NPHP4: variants seen among roughly 807,000 people sequenced by gnomAD.
NPHP4 encodes nephrocystin 4.
In NPHP4, 151 loss-of-function variants were observed where a neutral mutation model predicts 155.8. The ratio of observed to expected loss-of-function variants is 0.97; its 90% CI spans 0.85 to 1.11. The LOEUF (loss-of-function observed/expected upper bound fraction) is 1.11, where lower values mean the gene tolerates loss of function less well. Ranked by LOEUF, NPHP4 falls within the 50% of genes least tolerant of loss-of-function variation. The probability of loss-of-function intolerance (pLI) is 0.00; values close to 1 mark genes in which losing one functional copy is unlikely to be tolerated. For synonymous variants in NPHP4, 845 were observed against 816.8 expected, an observed-to-expected ratio of 1.03 and a Z score of -0.59; for missense variants, 1,956 against 1,925.7, an observed-to-expected ratio of 1.02 and a Z score of -0.29.
At chr1:5,949,369 C>CACACACACACACACACACACAAT (rs1047844844) in intron 7 of NPHP4, among the ~76,000 whole-genome samples, 16 of 151,944 alleles carry the variant, frequency 1.1e-4, no homozygotes, top group African/African-American at 3.9e-4. Context: ...CACACACACA[C>CACACACACACACACACACACAAT]AACTTGCTAA....
At chr1:5,966,326 ATC>A (rs1221235939) in intron 5 of NPHP4, among the ~76,000 whole-genome samples, 2 of 152,014 alleles carry the variant, frequency 1.3e-5, no homozygotes, top group Non-Finnish European at 2.9e-5. Context: ...CCACACTGTA[ATC>A]TCTGCCTCCT....
At chr1:5,868,782 C>CACGCACCCACAT (rs1641581304) in intron 23 of NPHP4, among the ~76,000 whole-genome samples, 1 of 129,930 alleles carries the variant, frequency 7.7e-6, no homozygotes. Flanking sequence ...CATGCACACA[C>CACGCACCCACAT]GCACACAATG....
At chr1:5,955,160 G>A (rs901827549) in intron 6 of NPHP4, among the ~76,000 whole-genome samples, 1 of 152,154 alleles carries the variant, frequency 6.6e-6, no homozygotes, top group Non-Finnish European at 1.5e-5. Context: ...TCAGGGAAGT[G>A]AAAATTAAAA....
At chr1:5,866,123 T>C in intron 26 of NPHP4, 2 of 546,346 alleles carry the variant, frequency 3.7e-6, no homozygotes, top group South Asian at 2.0e-5. Context: ...AGAGGCTGAC[T>C]GGTGTCTCTC....
intron 5 of NPHP4, among the ~76,000 whole-genome samples, chr1:5,965,304 C>T (rs1009398512): frequency 1.3e-5 from 2 of 152,088 alleles, no homozygotes; most frequent in African/African-American, 4.8e-5. Context: ...GAAAAGCCCA[C>T]TGCAAGGATG....
chr1:5,945,511 T>C (rs898366605), intron 9 of NPHP4, among the ~76,000 whole-genome samples: 5 of 152,204 alleles, frequency 3.3e-5, no homozygotes, highest in African/African-American at 9.6e-5. Flanking sequence ...CTCGGAATCA[T>C]AGGGACCGGA....
chr1:5,949,343 T>TATACACACACACACACACACACAC (rs1553187010), intron 7 of NPHP4, among the ~76,000 whole-genome samples: 1 of 140,788 alleles, frequency 7.1e-6, no homozygotes, highest in Non-Finnish European at 1.5e-5. Flanking sequence ...TTCACATACA[T>TATACACACACACACACACACACAC]ACACACACAC....
At chr1:5,880,337 C>CGA in intron 18 of NPHP4, 98 bp from the exon 19 acceptor site, 1 of 1,234,996 alleles carries the variant, frequency 8.1e-7, no homozygotes, top group Non-Finnish European at 1.2e-6. Flanking sequence ...TTTCAAATGG[C>CGA]CTATCTACAC....
Position 5,887,687 on chromosome 1 carries a change from A to G in NPHP4, c.2305-221T>C, listed in dbSNP as rs376388553. 1.1e-4 allele frequency among the ~76,000 whole-genome samples: 17 copies of G among 152,306 alleles called. 1 individual carries two copies. The South Asian group carries it at 3.3e-3, about 30-fold the overall frequency. On this transcript the variant is annotated intron_variant, in intron 17 of 29. Coordinates refer to ENST00000378156, the MANE Select transcript of NPHP4 (RefSeq NM_015102.5). Reference sequence around the variant, plus strand: ...TCCTTATTACTGGGGTCTTTTTCACAAAGTCTTAAGTAAAGTATGACTGGA... The same window carrying G: ...TCCTTATTACTGGGGTCTTTTTCACGAAGTCTTAAGTAAAGTATGACTGGA...
At chr1:5,898,524 G>A (rs774077579) in intron 16 of NPHP4, among the ~76,000 whole-genome samples, 4 of 152,324 alleles carry the variant, frequency 2.6e-5, no homozygotes, top group Admixed American at 2.0e-4. Flanking sequence ...GCCCCCCAGC[G>A]GCTCTGCCGG....
chr1:5,876,097 C>G (rs1478377659), intron 20 of NPHP4: 1 of 152,298 alleles, frequency 6.6e-6, no homozygotes, highest in Non-Finnish European at 1.5e-5. Context: ...TGGGGCCAGA[C>G]ATGAGTTAGG....
chr1:5,888,259 A>G (rs571768209), intron 17 of NPHP4: 2 of 848,846 alleles, frequency 2.4e-6, no homozygotes, highest in East Asian at 2.4e-4. Flanking sequence ...GAACGCCAAC[A>G]CTGTGAGGCA....
At position 5,864,805 on chromosome 1, in the gene NPHP4, G is replaced by A. The variant is rs1641032808; in HGVS notation, c.3817-288C>T. On this transcript the variant is annotated intron_variant, in intron 27 of 29. Coordinates refer to ENST00000378156, the MANE Select transcript of NPHP4 (RefSeq NM_015102.5). Reference sequence around the variant, plus strand: ...CCCCGGCCAGCTGGTGGCACCAGGGGCCGCCCTCCCACCCCGTCTAACTGT... The same window carrying A: ...CCCCGGCCAGCTGGTGGCACCAGGGACCGCCCTCCCACCCCGTCTAACTGT... The A allele has an allele frequency of 5.6e-6, 3 of 536,954 alleles. No homozygotes were observed. The Admixed American group carries it at 9.5e-5, about 17-fold the overall frequency. 33.3% of individuals were successfully genotyped at this position (536,954 alleles called of 1,614,324 possible).
chr1:5,873,763 C>T (rs996004424), intron 22 of NPHP4: 2 of 287,298 alleles, frequency 7.0e-6, no homozygotes, highest in South Asian at 3.4e-5. Context: ...GCATGACACA[C>T]CCCCTGCAGG....
intron 1 of NPHP4, among the ~76,000 whole-genome samples, chr1:5,988,973 T>C (rs1208320772): frequency 6.6e-6 from 1 of 152,238 alleles, no homozygotes; most frequent in Non-Finnish European, 1.5e-5. Flanking sequence ...TGTTCCTTTT[T>C]GTTCTCTGTG....
At chr1:5,977,670 G>A (rs1046601358) in intron 3 of NPHP4, among the ~76,000 whole-genome samples, 4 of 150,262 alleles carry the variant, frequency 2.7e-5, no homozygotes, top group East Asian at 2.1e-4. Flanking sequence ...GACAGAGCAT[G>A]CCGGCCCGCA....
Position 5,964,941 on chromosome 1 carries a change from A to ATATTTTTTTTTTTTTTTTTTTTT in NPHP4, c.517+2357_517+2358insAAAAAAAAAAAAAAAAAAAAATA. Among the ~76,000 whole-genome samples the ATATTTTTTTTTTTTTTTTTTTTT allele has an allele frequency of 1.3e-4, 8 of 59,416 alleles. No individual in the cohort carries two copies. In the East Asian group the frequency reaches 2.7e-3, roughly 20 times the overall value. The allele number at this position is 59,416 out of a possible 152,430, so 39.0% of individuals were successfully genotyped here. A position where few individuals can be genotyped will look rare whatever the true frequency, so the allele number is the denominator to read the frequency against. On this transcript the variant is annotated intron_variant, in intron 5 of 29. Coordinates refer to ENST00000378156, the MANE Select transcript of NPHP4 (RefSeq NM_015102.5). ...ATTATATATATATATATATATATAT[A>ATATTTTTTTTTTTTTTTTTTTTT]TTTTTTTTTTTTGAGGCAGGGTCTC...
In NPHP4 at chr1:5,905,374, G is replaced by GTC. The variant is rs1644863727; in HGVS notation, c.1872_1873insGA (p.Pro625AspfsTer3). The GTC allele has an allele frequency of 6.2e-7, 1 of 1,613,834 alleles. No individual in the cohort carries two copies. The highest frequency in any genetic ancestry group is 1.1e-5 in the South Asian group (1 of 91,072). Reference sequence around the variant, plus strand: ...TCCTTCTGAGGGTTAAACGTCACAGGTTCTGTAGCGCTGACAGCCTCGGCT... The same window carrying GTC: ...TCCTTCTGAGGGTTAAACGTCACAGGTCTTCTGTAGCGCTGACAGCCTCGGCT... On this transcript the variant is annotated frameshift_variant, in exon 15 of 30. Coordinates refer to ENST00000378156, the MANE Select transcript of NPHP4 (RefSeq NM_015102.5). LOFTEE classifies it high-confidence loss of function. The surrounding 1 kb of genome is among the most constrained non-coding windows in gnomAD (Gnocchi z 4.0).
In NPHP4 at chr1:5,867,092, C is replaced by G; in HGVS notation, c.3496G>C (p.Glu1166Gln). Residue 1166 changes from glutamate (E) to glutamine (Q), a missense_variant, in exon 25 of 30, where the codon GAG becomes CAG. Coordinates refer to ENST00000378156, the MANE Select transcript of NPHP4 (RefSeq NM_015102.5). The surrounding 1 kb of genome is among the most constrained non-coding windows in gnomAD (Gnocchi z 4.1). ...CAGCGAACATGGACTGGGGGGTCCT[C>G]ACCAAGCATTCCCACCGGAGCACCT... Reference protein sequence around the residue: ...FPGAPVGMLGEDPPVHVRCSD... With the variant: ...FPGAPVGMLGQDPPVHVRCSD... 1 of 1,612,766 alleles carries G rather than the reference C, an allele frequency of 6.2e-7. No homozygotes were observed. Among genetic ancestry groups the G allele is most frequent in the Non-Finnish European group, 8.5e-7 (1 of 1,179,398 alleles).
Sources: allele counts gnomAD v4.1 joint callset (sites outside exome capture counted in the v4.1 genomes callset), GRCh38; gene constraint gnomAD v4.1.1; non-coding constraint Gnocchi (gnomAD v3.1); transcripts MANE v1.5; gene names NCBI Gene and HGNC (gene_info 2026-07-23, HGNC 2026-07-21).